The following TRPC4 variants were observed in gnomAD, a reference collection of about 807,000 sequenced individuals.
The protein encoded by TRPC4 is transient receptor potential cation channel subfamily C member 4, also known as short transient receptor potential channel 4.
TRPC4 carries 49 observed loss-of-function variants against 99.4 expected under a neutral mutation model. The ratio of observed to expected loss-of-function variants is 0.49; its 90% confidence interval spans 0.39 to 0.63. The LOEUF is 0.63. Among genes scored for constraint, TRPC4 ranks in the 20% least tolerant of loss-of-function variants. The pLI is 0.00. For synonymous variants in TRPC4, 454 were observed against 425.9 expected (o/e 1.07, Z -0.81); for missense variants, 898 against 1,152.9 (o/e 0.78, Z 3.20).
At chr13:37,647,591 G>A (rs970397720) in intron 8 of TRPC4, among the ~76,000 whole-genome samples, 4 of 152,172 alleles carry the variant, frequency 2.6e-5, no homozygotes, top group Admixed American at 2.6e-4. Flanking sequence ...ATTTCCCCCT[G>A]CTCTGTCTCT....
At chr13:37,842,783 A>C (rs557946292) in intron 1 of TRPC4, among the ~76,000 whole-genome samples, 61 of 152,190 alleles carry the variant, frequency 4.0e-4, no homozygotes, top group Non-Finnish European at 7.9e-4. Context: ...TCAGCATATA[A>C]ATTTTTAGAG....
At chr13:37,763,302 GTACTAAGGCATA>G (rs1334306197) in intron 2 of TRPC4, among the ~76,000 whole-genome samples, 5 of 151,594 alleles carry the variant, frequency 3.3e-5, no homozygotes, top group African/African-American at 1.2e-4. Flanking sequence ...AAATCCGGAA[GTACTAAGGCATA>G]TATTGAGGCA....
rs531042050 is a variant in TRPC4 at position 37,854,835 on chromosome 13, G to A, written c.-28+14760C>T. On this transcript the variant is annotated intron_variant, in intron 1 of 10. Coordinates refer to ENST00000379705, the MANE Select transcript of TRPC4 (RefSeq NM_016179.4). ...TGGAAAGAAGACAGTAAAAAAGGAAGAGAAGGCCACAAAGCAATCAGAAAA... is the reference window on the plus strand; with the variant it reads ...TGGAAAGAAGACAGTAAAAAAGGAAAAGAAGGCCACAAAGCAATCAGAAAA... 8.5e-5 allele frequency: 13 copies of A among 152,068 alleles called. No homozygotes were observed. The East Asian group carries it at 2.3e-3, about 27-fold the overall frequency. The allele number at this position is 152,068 out of a possible 1,614,324, so 9.4% of individuals were successfully genotyped here.
chr13:37,816,831 T>C (rs1957869125), intron 1 of TRPC4, among the ~76,000 whole-genome samples: 1 of 152,010 alleles, frequency 6.6e-6, no homozygotes, highest in Non-Finnish European at 1.5e-5. Flanking sequence ...CACTCATTCA[T>C]ATTAAATATG....
At chr13:37,683,332 G>T (rs1953323751) in intron 4 of TRPC4, among the ~76,000 whole-genome samples, 1 of 152,124 alleles carries the variant, frequency 6.6e-6, no homozygotes, top group Non-Finnish European at 1.5e-5. Flanking sequence ...GCCCATGGCA[G>T]TCTGGCCTTC....
chr13:37,673,093 C>A (rs559978047), intron 5 of TRPC4, among the ~76,000 whole-genome samples: 1 of 110,800 alleles, frequency 9.0e-6, no homozygotes, highest in Non-Finnish European at 1.7e-5. Context: ...TATCCCTCCC[C>A]CCTCCCCCCA....
intron 1 of TRPC4, among the ~76,000 whole-genome samples, chr13:37,832,905 C>T (rs1382959647): frequency 6.6e-6 from 1 of 152,108 alleles, no homozygotes; most frequent in African/African-American, 2.4e-5. Context: ...AAACTTTATG[C>T]TAAACTATTT....
chr13:37,723,793 G>T (rs2139046679), intron 3 of TRPC4, among the ~76,000 whole-genome samples: 1 of 152,224 alleles, frequency 6.6e-6, no homozygotes, highest in Middle Eastern at 3.4e-3. Context: ...AAACTCAAGT[G>T]ATCCTCCTGT....
chr13:37,773,457 C>T (rs959269), intron 2 of TRPC4, among the ~76,000 whole-genome samples: 150,761 of 151,896 alleles, frequency 0.99, 74,827 homozygotes, highest in Middle Eastern at 1. Context: ...TCCTCACTTA[C>T]TGAACCCCTG....
intron 7 of TRPC4, among the ~76,000 whole-genome samples, chr13:37,653,990 C>T (rs1000784723): frequency 6.6e-5 from 10 of 152,030 alleles, no homozygotes; most frequent in African/African-American, 1.2e-4. Flanking sequence ...TCCACAAATT[C>T]GGGTATTAAC....
At chr13:37,855,027 CA>C (rs1282736216) in intron 1 of TRPC4, 1 of 151,646 alleles carries the variant, frequency 6.6e-6, no homozygotes, top group African/African-American at 2.4e-5. Context: ...GCTTTTCAAT[CA>C]AAAGACACAG....
At chr13:37,729,029 A>C (rs1955159139) in intron 3 of TRPC4, among the ~76,000 whole-genome samples, 1 of 152,248 alleles carries the variant, frequency 6.6e-6, no homozygotes, top group African/African-American at 2.4e-5. Context: ...ACTCAAAATG[A>C]ATCAAAGACC....
chr13:37,720,542 T>A (rs1566120215), intron 3 of TRPC4, among the ~76,000 whole-genome samples: 1 of 152,022 alleles, frequency 6.6e-6, no homozygotes, highest in Admixed American at 6.6e-5. Context: ...AATTATCTAG[T>A]GAGGATGGAT....
At chr13:37,673,852 A>G (rs1010359807) in intron 5 of TRPC4, among the ~76,000 whole-genome samples, 1 of 152,214 alleles carries the variant, frequency 6.6e-6, no homozygotes, top group Non-Finnish European at 1.5e-5. Flanking sequence ...ATGAAATTTT[A>G]TCTATTAGTT....
At chr13:37,667,094 G>A (rs954555568) in intron 5 of TRPC4, among the ~76,000 whole-genome samples, 2 of 152,170 alleles carry the variant, frequency 1.3e-5, no homozygotes, top group African/African-American at 4.8e-5. Flanking sequence ...AATGGCAACA[G>A]GTCACCAAGT....
intron 8 of TRPC4, among the ~76,000 whole-genome samples, chr13:37,644,118 C>T (rs1188047689): frequency 2.0e-5 from 3 of 152,080 alleles, no homozygotes; most frequent in Non-Finnish European, 4.4e-5. Flanking sequence ...ATAAACATCA[C>T]AATAATTTTT....
At chr13:37,809,968 G>A (rs1400492406) in intron 1 of TRPC4, among the ~76,000 whole-genome samples, 1 of 151,006 alleles carries the variant, frequency 6.6e-6, no homozygotes, top group Non-Finnish European at 1.5e-5. Context: ...CTATGATTGG[G>A]CATTAATTAA....
At chr13:37,722,569 C>T (rs1193178857) in intron 3 of TRPC4, among the ~76,000 whole-genome samples, 11 of 152,086 alleles carry the variant, frequency 7.2e-5, no homozygotes, top group Admixed American at 6.6e-4. Flanking sequence ...TAAGTTTTAA[C>T]TCTCAGGGCC....
At chr13:37,754,175 G>A (rs1327796349) in intron 2 of TRPC4, among the ~76,000 whole-genome samples, 2 of 152,082 alleles carry the variant, frequency 1.3e-5, no homozygotes, top group Non-Finnish European at 1.5e-5. Context: ...CCCTTTTCAC[G>A]CTTCGTTCTC....
Sources: gnomAD v4.1 joint callset for allele counts (sites outside exome capture counted in the v4.1 genomes callset) on GRCh38, gnomAD v4.1.1 for gene constraint, MANE v1.5 for transcripts, NCBI Gene and HGNC (gene_info 2026-07-23, HGNC 2026-07-21) for gene names.